The following DCC variants were observed in gnomAD, a reference collection of about 807,000 sequenced individuals.
The protein encoded by DCC is netrin receptor DCC.
Under a neutral mutation model 172.5 loss-of-function variants are expected in DCC, and 58 were observed. The ratio of observed to expected loss-of-function variants is 0.34; its 90% confidence interval spans 0.27 to 0.42. The LOEUF (loss-of-function observed/expected upper bound fraction) is 0.42. Ranked by LOEUF, DCC falls within the 10% of genes least tolerant of loss-of-function variation. The probability of loss-of-function intolerance (pLI) is 1.00; values close to 1 mark genes in which losing one functional copy is unlikely to be tolerated. For missense variants in DCC, 1,740 were observed against 1,791.0 expected, an observed-to-expected ratio of 0.97 and a Z score of 0.51; for synonymous variants, 709 against 644.5, an observed-to-expected ratio of 1.10 and a Z score of -1.52.
intron 2 of DCC, among the ~76,000 whole-genome samples, chr18:52,778,211 C>T (rs947118505): frequency 2.6e-5 from 4 of 152,014 alleles, no homozygotes; most frequent in Admixed American, 2.0e-4. Context: ...TAAAAGTTTT[C>T]GATAGAGAGT....
intron 1 of DCC, among the ~76,000 whole-genome samples, chr18:52,534,205 G>T (rs1045656823): frequency 6.6e-6 from 1 of 151,826 alleles, no homozygotes; most frequent in Non-Finnish European, 1.5e-5. Context: ...AAACTATCAG[G>T]CACTGTATTA....
intron 5 of DCC, among the ~76,000 whole-genome samples, chr18:53,014,544 G>C (rs1373420590): frequency 2.7e-5 from 4 of 147,116 alleles, no homozygotes; most frequent in Non-Finnish European, 5.9e-5. Flanking sequence ...GCAGTGTTTG[G>C]TTTTTTGTCC....
chr18:52,340,424 CT>C lies in DCC; in HGVS notation c.-363del, dbSNP rs758932707. The C allele has an allele frequency of 3.0e-5, 11 of 364,854 alleles. No individual in the cohort carries two copies. Among genetic ancestry groups the C allele is most frequent in the Admixed American group, 7.5e-5 (2 of 26,686 alleles). The allele number at this position is 364,854 out of a possible 1,614,324, so 22.6% of individuals were successfully genotyped here. A position where few individuals can be genotyped will look rare whatever the true frequency, so the allele number is the denominator to read the frequency against. On this transcript the variant is annotated 5_prime_UTR_variant, in exon 1 of 29. The change abolishes the stop of an existing upstream ORF in the 5' untranslated region. Transcript: ENST00000442544. ...ATTGCCTTCCATCTCCTCTTGGTCC[CT>C]CCTGGATGTGGTTTATTGATGACTT...
At position 52,880,125 on chromosome 18, in the gene DCC, C is replaced by T. The variant is rs576523669; in HGVS notation, c.413-25919C>T. On this transcript the variant is annotated intron_variant, in intron 2 of 28. Coordinates refer to ENST00000442544, the MANE Select transcript of DCC (RefSeq NM_005215.4). ...GTGCTATCAAATACTAGGTCTTATTCATTCTTTTTTTTTTCTTTCTTTTTG... is the reference window on the plus strand; with the variant it reads ...GTGCTATCAAATACTAGGTCTTATTTATTCTTTTTTTTTTCTTTCTTTTTG... Among the ~76,000 whole-genome samples the T allele has an allele frequency of 4.0e-5, 6 of 150,014 alleles. No individual in the cohort carries two copies. In the South Asian group the frequency reaches 6.6e-4, roughly 17 times the overall value.
intron 8 of DCC, among the ~76,000 whole-genome samples, chr18:53,177,770 T>C (rs1197327867): frequency 1.3e-5 from 2 of 152,068 alleles, no homozygotes; most frequent in African/African-American, 4.8e-5. Flanking sequence ...AGGCCTCAAC[T>C]AGACTTCAGG....
intron 1 of DCC, among the ~76,000 whole-genome samples, chr18:52,459,593 C>T (rs1037270058): frequency 2.0e-5 from 3 of 151,836 alleles, no homozygotes; most frequent in Non-Finnish European, 4.4e-5. Flanking sequence ...TCAGCCTCCC[C>T]AGTAGCTGGG....
chr18:53,316,951 C>T (rs2057350533), intron 13 of DCC, among the ~76,000 whole-genome samples: 1 of 152,162 alleles, frequency 6.6e-6, no homozygotes, highest in Non-Finnish European at 1.5e-5. Flanking sequence ...TTTCTCTTGC[C>T]TGATTGCCCT....
intron 1 of DCC, among the ~76,000 whole-genome samples, chr18:52,705,483 C>A (rs991988663): frequency 6.6e-6 from 1 of 152,174 alleles, no homozygotes; most frequent in Non-Finnish European, 1.5e-5. Flanking sequence ...GCAGACACAG[C>A]GGACCATTTG....
In DCC at chr18:52,408,323, G is replaced by A. The variant is rs547540211; in HGVS notation, c.91+67445G>A. Among the ~76,000 whole-genome samples, 177 of 149,674 alleles carry A rather than the reference G, an allele frequency of 1.2e-3. 2 individuals carry two copies. In the South Asian group the frequency reaches 0.019, roughly 16 times the overall value. On this transcript the variant is annotated intron_variant, in intron 1 of 28. Transcript: ENST00000442544. The stretch of plus-strand genomic sequence containing the variant: ...TTAGAAGACATTTTAATTTTTTTAA[G>A]CTTTTTTCATGGAGGAAAGTCTTTT...
intron 5 of DCC, among the ~76,000 whole-genome samples, chr18:52,939,253 C>T (rs1233646763): frequency 1.3e-5 from 2 of 152,184 alleles, no homozygotes; most frequent in Non-Finnish European, 2.9e-5. Flanking sequence ...CTCAGCTCTT[C>T]TTGTGGCTGA....
At chr18:52,820,449 AT>A (rs2038385567) in intron 2 of DCC, among the ~76,000 whole-genome samples, 1 of 120,074 alleles carries the variant, frequency 8.3e-6, no homozygotes, top group South Asian at 3.2e-4. Context: ...AATGTGAAAT[AT>A]AAAATGTTTT....
At chr18:52,656,006 A>ATATATG (rs1227716617) in intron 1 of DCC, among the ~76,000 whole-genome samples, 4 of 141,990 alleles carry the variant, frequency 2.8e-5, no homozygotes, top group Non-Finnish European at 4.6e-5. Flanking sequence ...ATGTGCGTAT[A>ATATATG]TATATATGTG....
intron 12 of DCC, among the ~76,000 whole-genome samples, chr18:53,282,614 C>T (rs2144731071): frequency 6.6e-6 from 1 of 152,144 alleles, no homozygotes; most frequent in African/African-American, 2.4e-5. Flanking sequence ...AGCATAGAAC[C>T]TTAGGATTTT....
chr18:53,030,645 A>G (rs1372735637), intron 5 of DCC, among the ~76,000 whole-genome samples: 4 of 152,096 alleles, frequency 2.6e-5, no homozygotes, highest in Admixed American at 1.3e-4. Context: ...TTTGCTTTCT[A>G]GTTGAGGATT....
At chr18:52,972,566 T>G (rs909547438) in intron 5 of DCC, among the ~76,000 whole-genome samples, 1 of 151,522 alleles carries the variant, frequency 6.6e-6, no homozygotes, top group African/African-American at 2.4e-5. Context: ...CATGTACATA[T>G]CAAGATGGAT....
At chr18:53,520,534 A>G (rs1224347368) in intron 27 of DCC, among the ~76,000 whole-genome samples, 2 of 152,098 alleles carry the variant, frequency 1.3e-5, no homozygotes, top group Non-Finnish European at 2.9e-5. Context: ...GATGCAGACC[A>G]GAAAATCAAG....
At chr18:52,427,284 C>G (rs542654859) in intron 1 of DCC, among the ~76,000 whole-genome samples, 2 of 152,024 alleles carry the variant, frequency 1.3e-5, no homozygotes, top group African/African-American at 2.4e-5. Flanking sequence ...TGCTAATGTT[C>G]GTTAAGATCA....
intron 15 of DCC, among the ~76,000 whole-genome samples, chr18:53,375,917 C>T (rs1338584443): frequency 1.3e-5 from 2 of 152,070 alleles, no homozygotes; most frequent in African/African-American, 4.8e-5. Context: ...AAACTCAGAC[C>T]TTCTATTCCT....
intron 1 of DCC, among the ~76,000 whole-genome samples, chr18:52,356,064 A>G (rs1328524417): frequency 6.6e-6 from 1 of 152,212 alleles, no homozygotes; most frequent in Non-Finnish European, 1.5e-5. Flanking sequence ...CCTTTTCCCA[A>G]GCGAATTTAT....
Sources: allele counts gnomAD v4.1 joint callset (sites outside exome capture counted in the v4.1 genomes callset), GRCh38; gene constraint gnomAD v4.1.1; transcripts MANE v1.5; gene names NCBI Gene and HGNC (gene_info 2026-07-23, HGNC 2026-07-21).